The following ARHGAP17 variants were observed in gnomAD, a reference collection of about 807,000 sequenced individuals.
ARHGAP17 encodes the protein rho GTPase-activating protein 17.
Under a neutral mutation model 99.5 loss-of-function variants are expected in ARHGAP17, and 57 were observed. The observed-to-expected ratio is 0.57, with a 90% CI of 0.46 to 0.71. The LOEUF is 0.71. ARHGAP17 is among the 30% of genes least tolerant of loss of function. The pLI, the probability that ARHGAP17 is intolerant of heterozygous loss-of-function variation, is 0.00. For missense variants in ARHGAP17, 1,000 were observed against 1,122.4 expected (o/e 0.89, Z 1.56); for synonymous variants, 417 against 429.6 (o/e 0.97, Z 0.36).
At chr16:24,971,399 G>A (rs867201419) in intron 3 of ARHGAP17, among the ~76,000 whole-genome samples, 20 of 149,474 alleles carry the variant, frequency 1.3e-4, no homozygotes, top group African/African-American at 3.7e-4. Context: ...GGGCAATCTC[G>A]GCTCACTGCA....
chr16:24,992,958 C>G (rs1035182524), intron 1 of ARHGAP17, among the ~76,000 whole-genome samples: 3 of 152,164 alleles, frequency 2.0e-5, no homozygotes, highest in Admixed American at 2.0e-4. Flanking sequence ...CACCACCACA[C>G]TCATCTAATT....
chr16:24,993,392 C>T (rs941433476), intron 1 of ARHGAP17, among the ~76,000 whole-genome samples: 2 of 151,980 alleles, frequency 1.3e-5, no homozygotes, highest in African/African-American at 4.8e-5. Context: ...TCAAAACCAG[C>T]CTGACCAACA....
At chr16:24,942,585 C>T (rs562435949) in intron 15 of ARHGAP17, among the ~76,000 whole-genome samples, 1 of 151,682 alleles carries the variant, frequency 6.6e-6, no homozygotes, top group Non-Finnish European at 1.5e-5. Context: ...TGGCCAAGAA[C>T]GTGAAACCCC....
chr16:24,971,928 C>A (rs1055457636), intron 3 of ARHGAP17, among the ~76,000 whole-genome samples: 1 of 152,200 alleles, frequency 6.6e-6, no homozygotes, highest in South Asian at 2.1e-4. Context: ...GTCTTCCCTA[C>A]GGGCCAATGG....
At position 24,930,888 on chromosome 16, in the gene ARHGAP17, C is replaced by T. The variant is rs1166264475; in HGVS notation, c.2411G>A (p.Arg804Lys). 1.2e-6 allele frequency: 2 copies of T among 1,613,634 alleles called. No homozygotes were observed. The highest frequency in any genetic ancestry group is 2.7e-5 in the African/African-American group (2 of 74,806). The change falls in exon 19 of 20, where the codon AGG (arginine) becomes AAG (lysine). Residue 804 changes from arginine (R) to lysine (K), a missense_variant. Physicochemically the swap from Arg to Lys is conservative, Grantham distance 26 (BLOSUM62 2). Coordinates refer to ENST00000289968, the MANE Select transcript of ARHGAP17 (RefSeq NM_001006634.3). The stretch of plus-strand genomic sequence containing the variant: ...GGGTGGGGGCACGCTGGGCCGGTTC[C>T]TTGGCTTTGGTACTGGTCTCGGTCT... ...LPRPRPVPKP[R>K]NRPSVPPPPQ...
At chr16:24,923,846 A>T (rs572494572) in intron 19 of ARHGAP17, among the ~76,000 whole-genome samples, 6 of 152,024 alleles carry the variant, frequency 3.9e-5, no homozygotes, top group Non-Finnish European at 8.8e-5. Flanking sequence ...AATGTAACCC[A>T]GGTTCCTTCC....
intron 19 of ARHGAP17, among the ~76,000 whole-genome samples, chr16:24,927,400 G>A (rs567407573): frequency 1.6e-4 from 24 of 152,282 alleles, no homozygotes; most frequent in Non-Finnish European, 3.4e-4. Context: ...CATAATGTGT[G>A]TTCTTCCTAC....
chr16:24,946,992 C>A (rs2051492530), intron 14 of ARHGAP17, among the ~76,000 whole-genome samples: 1 of 152,186 alleles, frequency 6.6e-6, no homozygotes, highest in African/African-American at 2.4e-5. Flanking sequence ...CCAAGTTACT[C>A]TCCAAAGTGA....
At chr16:24,998,273 G>C (rs935133781) in intron 1 of ARHGAP17, among the ~76,000 whole-genome samples, 1 of 151,996 alleles carries the variant, frequency 6.6e-6, no homozygotes, top group African/African-American at 2.4e-5. Flanking sequence ...GGGGAGGGCT[G>C]AGAAAAGCCT....
intron 9 of ARHGAP17, chr16:24,956,334 A>G (rs931196984): frequency 1.3e-5 from 2 of 152,370 alleles, no homozygotes; most frequent in Non-Finnish European, 2.9e-5. Flanking sequence ...CTGACCTAGA[A>G]GCAAGTCATA....
At chr16:24,975,211 G>C (rs2141343024) in intron 3 of ARHGAP17, among the ~76,000 whole-genome samples, 1 of 152,326 alleles carries the variant, frequency 6.6e-6, no homozygotes, top group East Asian at 1.9e-4. Flanking sequence ...CTGCATAAAA[G>C]GGTGGATGGA....
rs2050955166 is a variant in ARHGAP17 at position 24,930,627 on chromosome 16, A to C, written c.2515+157T>G. ...AAATGGGTGTAGCTGTGTTCCAATA[A>C]AACTTTAATGACAAAAACTGGCTGC... is the stretch of plus-strand genomic sequence containing the variant. On this transcript the variant is annotated intron_variant, in intron 19 of 19. Coordinates refer to ENST00000289968, the MANE Select transcript of ARHGAP17 (RefSeq NM_001006634.3). 1.3e-5 allele frequency: 17 copies of C among 1,281,636 alleles called. No individual in the cohort carries two copies. The South Asian group carries it at 1.9e-4, about 14-fold the overall frequency. The allele number at this position is 1,281,636 out of a possible 1,614,324, so 79.4% of individuals were successfully genotyped here. A position where few individuals can be genotyped will look rare whatever the true frequency, so the allele number is the denominator to read the frequency against.
intron 1 of ARHGAP17, among the ~76,000 whole-genome samples, chr16:25,005,381 G>A (rs903694683): frequency 6.6e-6 from 1 of 152,150 alleles, no homozygotes; most frequent in African/African-American, 2.4e-5. Flanking sequence ...AATGTGCAAG[G>A]TTTCATCACT....
intron 19 of ARHGAP17, among the ~76,000 whole-genome samples, chr16:24,925,148 G>A (rs961454235): frequency 1.3e-5 from 2 of 152,122 alleles, no homozygotes; most frequent in Non-Finnish European, 2.9e-5. Flanking sequence ...GGAGGCAGAA[G>A]TGAGTGGATC....
intron 1 of ARHGAP17, among the ~76,000 whole-genome samples, chr16:24,992,997 C>T (rs1016633431): frequency 2.6e-5 from 4 of 152,078 alleles, no homozygotes; most frequent in African/African-American, 7.2e-5. Context: ...GACAGGTTCT[C>T]GCTATGTTGT....
At chr16:25,015,066 C>T in intron 1 of ARHGAP17, 143 bp downstream of exon 1, 1 of 832,702 alleles carries the variant, frequency 1.2e-6, no homozygotes, top group Admixed American at 5.4e-5. Flanking sequence ...GGCGCAGCCC[C>T]CGGGCCCGTG....
Position 24,920,022 on chromosome 16 carries a change from G to C in ARHGAP17, c.*108C>G. ...GTCCCGCACAGTGAGGCCCTCCTTT[G>C]TCCTCCACTGAAAGCTTTTCACTGT... On this transcript the variant is annotated 3_prime_UTR_variant, in exon 20 of 20. Transcript: ENST00000289968. 4 of 1,491,094 alleles carry C rather than the reference G, an allele frequency of 2.7e-6. No individual in the cohort carries two copies. Among genetic ancestry groups the C allele is most frequent in the Non-Finnish European group, 3.6e-6 (4 of 1,098,280 alleles). The allele number at this position is 1,491,094 out of a possible 1,614,324, so 92.4% of individuals were successfully genotyped here.
chr16:24,926,525 G>T (rs532600800), intron 19 of ARHGAP17, among the ~76,000 whole-genome samples: 3 of 152,190 alleles, frequency 2.0e-5, no homozygotes, highest in African/African-American at 7.2e-5. Context: ...GCCTCCCAAA[G>T]TGCTGGGATT....
chr16:24,994,324 A>ATAAG (rs1188856437), intron 1 of ARHGAP17, among the ~76,000 whole-genome samples: 16 of 152,344 alleles, frequency 1.1e-4, no homozygotes, highest in Admixed American at 9.8e-4. Context: ...GCTATTCAGG[A>ATAAG]TAAGTAAGCC....
Sources: allele counts gnomAD v4.1 joint callset (sites outside exome capture counted in the v4.1 genomes callset), GRCh38; gene constraint gnomAD v4.1.1; transcripts MANE v1.5; gene names NCBI Gene and HGNC (gene_info 2026-07-23, HGNC 2026-07-21).